Variants in COL4A5 observed in about 807,000 individuals in gnomAD.
The protein encoded by COL4A5 is collagen alpha-5(IV) chain.
In COL4A5, 26 loss-of-function variants were observed where a neutral mutation model predicts 130.2. That is an observed-to-expected ratio of 0.20 (90% CI 0.15 to 0.28). COL4A5 has a LOEUF of 0.28. COL4A5 is among the 10% of genes least tolerant of loss of function. The pLI is 1.00. For synonymous variants in COL4A5, 496 were observed against 439.6 expected (o/e 1.13, Z -1.60); for missense variants, 1,131 against 1,344.3 (o/e 0.84, Z 2.48).
At chrX:108,465,818 C>T (rs1248569724) in intron 1 of COL4A5, among the ~76,000 whole-genome samples, 1 of 111,401 alleles carries the variant, frequency 9.0e-6, no homozygotes, top group Non-Finnish European at 1.9e-5. Context: ...GTGAAATTTA[C>T]ATAACATAAA....
intron 1 of COL4A5, among the ~76,000 whole-genome samples, chrX:108,457,266 A>G (rs1437287906): frequency 8.9e-6 from 1 of 112,155 alleles, no homozygotes; most frequent in African/African-American, 3.2e-5. Flanking sequence ...TTTTAGCTTT[A>G]CAAGAAACTG....
At chrX:108,497,090 G>A (rs1309679978) in intron 1 of COL4A5, among the ~76,000 whole-genome samples, 2 of 111,466 alleles carry the variant, frequency 1.8e-5, no homozygotes, top group Admixed American at 1.9e-4. Flanking sequence ...TGCCTATTCT[G>A]GACATTTCGT....
In COL4A5 at chrX:108,666,495, G is replaced by A; in HGVS notation, c.3455-1G>A. On this transcript the variant is annotated splice_acceptor_variant, in intron 38 of 52. Coordinates refer to ENST00000328300, the MANE Select transcript of COL4A5 (RefSeq NM_033380.3). LOFTEE classifies it high-confidence loss of function. ...GTAACCTGCTGTACTCAATTTTTTA[G>A]GTGGTGGAGGTCATCCTGGGCAACC... 1 of 1,201,386 alleles carries A rather than the reference G, an allele frequency of 8.3e-7. No homozygotes were observed. Among genetic ancestry groups the A allele is most frequent in the Non-Finnish European group, 1.1e-6 (1 of 888,929 alleles).
chrX:108,667,227 A>G (rs1479966536), intron 40 of COL4A5, 44 bp downstream of exon 40: 2 of 1,093,129 alleles, frequency 1.8e-6, no homozygotes, highest in Non-Finnish European at 2.5e-6. Flanking sequence ...TAATAAAATG[A>G]GATTATTTCC....
At chrX:108,573,778 T>C in intron 9 of COL4A5, 124 bp downstream of exon 9, 2 of 511,382 alleles carry the variant, frequency 3.9e-6, no homozygotes, top group South Asian at 5.9e-5. Context: ...TACTAGACAT[T>C]ACATGTACTT....
chrX:108,637,925 GC>G (rs904925377), intron 36 of COL4A5, among the ~76,000 whole-genome samples: 1 of 108,860 alleles, frequency 9.2e-6, no homozygotes, highest in African/African-American at 3.4e-5. Context: ...TGCAGTTACG[GC>G]TCACTGCAGC....
At chrX:108,451,530 T>C (rs1174326782) in intron 1 of COL4A5, among the ~76,000 whole-genome samples, 1 of 111,435 alleles carries the variant, frequency 9.0e-6, no homozygotes, top group Non-Finnish European at 1.9e-5. Context: ...TTTTAATGAT[T>C]GCCATTCTAA....
chrX:108,496,667 TC>T (rs1397820287), intron 1 of COL4A5, among the ~76,000 whole-genome samples: 1 of 111,610 alleles, frequency 9.0e-6, no homozygotes. Context: ...TGCGTTTTTT[TC>T]CTTTTATTTC....
chrX:108,665,649 G>A, intron 38 of COL4A5, 62 bp downstream of exon 38: 3 of 848,314 alleles, frequency 3.5e-6, no homozygotes, highest in African/African-American at 2.0e-5. Context: ...ATTAAGTTTG[G>A]GAAAGTCAAA....
At chrX:108,660,746 T>G (rs2067940798) in intron 37 of COL4A5, among the ~76,000 whole-genome samples, 2 of 111,642 alleles carry the variant, frequency 1.8e-5, no homozygotes, top group South Asian at 3.7e-4. Context: ...TTCATTAATA[T>G]TCCTGGATCT....
At chrX:108,641,525 C>T (rs2067466612) in intron 36 of COL4A5, among the ~76,000 whole-genome samples, 1 of 112,070 alleles carries the variant, frequency 8.9e-6, no homozygotes, top group Admixed American at 9.4e-5. Context: ...AGGAAGTGGA[C>T]TTCTCTTGCA....
chrX:108,645,686 C>T (rs1168704595), intron 36 of COL4A5, among the ~76,000 whole-genome samples: 4 of 107,383 alleles, frequency 3.7e-5, no homozygotes, highest in Non-Finnish European at 7.7e-5. Context: ...CCCATTAACT[C>T]GTCATTTAGC....
chrX:108,607,993 T>G (rs28529666), intron 29 of COL4A5, among the ~76,000 whole-genome samples: 11,610 of 111,525 alleles, frequency 0.1, 1,301 homozygotes, highest in African/African-American at 0.34. Context: ...AGATTGGATT[T>G]TTGCCAATCA....
chrX:108,455,974 T>G (rs1311759013), intron 1 of COL4A5, among the ~76,000 whole-genome samples: 2 of 112,127 alleles, frequency 1.8e-5, no homozygotes, highest in Non-Finnish European at 3.8e-5. Context: ...ATATAAATTT[T>G]ACATTAATCT....
At chrX:108,601,825 TGGCCC>T (rs1163683515) in intron 26 of COL4A5, 55 bp from the exon 27 acceptor site, 1 of 684,785 alleles carries the variant, frequency 1.5e-6, no homozygotes, top group African/African-American at 2.2e-5. Context: ...CCACTGCACC[TGGCCC>T]TGATGGCTTC....
chrX:108,543,307 G>C (rs759264369), intron 2 of COL4A5, among the ~76,000 whole-genome samples: 137 of 111,876 alleles, frequency 1.2e-3, no homozygotes, highest in African/African-American at 4.2e-3. Flanking sequence ...AAGGGATCCA[G>C]TTTCAGCTTT....
rs2067141948 is a variant in COL4A5, at chrX:108,625,757, T to C, written c.3069T>C (p.Pro1023=). 8.3e-7 allele frequency: 1 copy of C among 1,208,852 alleles called. No homozygotes were observed. Among genetic ancestry groups the C allele is most frequent in the African/African-American group, 1.7e-5 (1 of 57,841 alleles). Reference sequence around the variant, plus strand: ...GACAGCCAGGTCTTATAGGACCTCCTGGACTTAAAGGAACCATCGGTGATA... The same window carrying C: ...GACAGCCAGGTCTTATAGGACCTCCCGGACTTAAAGGAACCATCGGTGATA... ...LPGQPGLIGP[P]GLKGTIGDMG... The change falls in exon 35 of 53, where the codon CCT becomes CCC. Residue 1023 remains proline, a synonymous_variant. Transcript: ENST00000328300.
At chrX:108,559,202 T>C in intron 3 of COL4A5, 49 bp downstream of exon 3, 1 of 952,719 alleles carries the variant, frequency 1.0e-6, no homozygotes, top group Non-Finnish European at 1.5e-6. Flanking sequence ...TAAGTCATCT[T>C]AAATGTGGGA....
chrX:108,672,378 C>A (rs1036695902), intron 42 of COL4A5, among the ~76,000 whole-genome samples: 2 of 111,638 alleles, frequency 1.8e-5, no homozygotes, highest in African/African-American at 6.5e-5. Flanking sequence ...AGCCACATTC[C>A]TTTAAAAGAA....
Sources: gnomAD v4.1 joint callset for allele counts (sites outside exome capture counted in the v4.1 genomes callset) on GRCh38, gnomAD v4.1.1 for gene constraint, MANE v1.5 for transcripts, NCBI Gene and HGNC (gene_info 2026-07-23, HGNC 2026-07-21) for gene names.